Variants in PCSK1 observed in about 807,000 individuals in gnomAD.
PCSK1 encodes the protein proprotein convertase subtilisin/kexin type 1.
A neutral mutation model predicts 90.6 loss-of-function variants in PCSK1; 56 were observed. That is an observed-to-expected ratio of 0.62 (90% CI 0.50 to 0.77). The LOEUF (loss-of-function observed/expected upper bound fraction) is 0.77. Ranked by LOEUF, PCSK1 falls within the 30% of genes least tolerant of loss-of-function variation. PCSK1 has a pLI of 0.00. For missense variants in PCSK1, 801 were observed against 932.6 expected (o/e 0.86, Z 1.84); for synonymous variants, 348 against 342.4 (o/e 1.02, Z -0.18).
chr5:96,392,679 T>A lies in PCSK1; in HGVS notation c.*322A>T, dbSNP rs895594125. On this transcript the variant is annotated 3_prime_UTR_variant, in exon 14 of 14. Coordinates refer to ENST00000311106, the MANE Select transcript of PCSK1 (RefSeq NM_000439.5). The stretch of plus-strand genomic sequence containing the variant: ...ATATCCCAGGTTTTGCCTTTTCTTT[T>A]GAGAATTGAAATGGGCTCTAATGCA... 2 of 254,000 alleles carry A rather than the reference T, an allele frequency of 7.9e-6. No individual in the cohort carries two copies. Among genetic ancestry groups the A allele is most frequent in the African/African-American group, 4.5e-5 (2 of 44,662 alleles). The allele number at this position is 254,000 out of a possible 1,614,324, so 15.7% of individuals were successfully genotyped here.
At position 96,433,153 on chromosome 5, in the gene PCSK1, T is replaced by G; in HGVS notation, c.-111A>C. 9.9e-7 allele frequency: 1 copy of G among 1,011,638 alleles called. No homozygotes were observed. The allele number at this position is 1,011,638 out of a possible 1,614,324, so 62.7% of individuals were successfully genotyped here. On this transcript the variant is annotated 5_prime_UTR_variant, in exon 1 of 14. Transcript: ENST00000311106. ...CCACCCTCGGGCTCTAGACCACTCC[T>G]GGCTCCTGGTTGCTCTGCGAAGAGC...
chr5:96,395,055 T>C (rs768945184), intron 12 of PCSK1, 30 bp from the exon 13 acceptor site: 6 of 1,539,814 alleles, frequency 3.9e-6, no homozygotes, highest in South Asian at 1.1e-5. Flanking sequence ...ACATTTAGTA[T>C]GTGTTTTAGA....
chr5:96,427,384 A>G (rs971768191), intron 2 of PCSK1, among the ~76,000 whole-genome samples: 8 of 152,200 alleles, frequency 5.3e-5, no homozygotes, highest in East Asian at 1.9e-4. Flanking sequence ...TCTATTATGC[A>G]TTATAGGTAT....
chr5:96,433,094 A>T lies in PCSK1; in HGVS notation c.-52T>A, dbSNP rs781524940. 1.3e-6 allele frequency: 2 copies of T among 1,558,584 alleles called. No homozygotes were observed. The highest frequency in any genetic ancestry group is 1.1e-5 in the South Asian group (1 of 89,880). On this transcript the variant is annotated 5_prime_UTR_variant, in exon 1 of 14. Transcript: ENST00000311106. ...TGGGAAGGGAAGAGGAAAAAGAAGCAAGATAGGAGAAAAGCCAGACAGACT... is the reference window on the plus strand; with the variant it reads ...TGGGAAGGGAAGAGGAAAAAGAAGCTAGATAGGAGAAAAGCCAGACAGACT...
intron 12 of PCSK1, 121 bp downstream of exon 12, chr5:96,397,215 A>G (rs940990369): frequency 1.2e-6 from 1 of 836,674 alleles, no homozygotes; most frequent in Non-Finnish European, 2.0e-6. Flanking sequence ...CTTTTCCCTT[A>G]CTTCTACTAA....
chr5:96,397,893 G>A (rs764592558), intron 11 of PCSK1, among the ~76,000 whole-genome samples: 2 of 151,790 alleles, frequency 1.3e-5, no homozygotes, highest in African/African-American at 2.4e-5. Flanking sequence ...ACTCCATAAT[G>A]ATTTAAACAT....
intron 4 of PCSK1, among the ~76,000 whole-genome samples, chr5:96,422,477 C>A (rs1761159243): frequency 6.6e-6 from 1 of 152,166 alleles, no homozygotes; most frequent in African/African-American, 2.4e-5. Flanking sequence ...GCTTGAAATT[C>A]AAGACAAGCT....
chr5:96,428,003 A>C (rs369343913), intron 2 of PCSK1, among the ~76,000 whole-genome samples: 43 of 152,194 alleles, frequency 2.8e-4, no homozygotes, highest in Non-Finnish European at 5.4e-4. Context: ...AAGAGCTAGC[A>C]GTGGGTGTAG....
chr5:96,421,987 C>T, intron 4 of PCSK1, 31 bp from the exon 5 acceptor site: 1 of 644,158 alleles, frequency 1.6e-6, no homozygotes, highest in Non-Finnish European at 2.5e-6. Context: ...AACACTGTGG[C>T]AGCATTAAAA....
intron 9 of PCSK1, among the ~76,000 whole-genome samples, chr5:96,404,002 C>G (rs1327377965): frequency 6.6e-6 from 1 of 152,150 alleles, no homozygotes; most frequent in Non-Finnish European, 1.5e-5. Context: ...AAAAATTATT[C>G]TGATTCTTTT....
Position 96,391,625 on chromosome 5 carries a change from A to G in PCSK1, c.*1376T>C, listed in dbSNP as rs1321949739. The G allele has an allele frequency of 6.6e-6, 1 of 152,192 alleles. No homozygotes were observed. The highest frequency in any genetic ancestry group is 1.5e-5 in the Non-Finnish European group (1 of 68,048). The allele number at this position is 152,192 out of a possible 1,614,324, so 9.4% of individuals were successfully genotyped here. The stretch of plus-strand genomic sequence containing the variant: ...GCTTAGTGTAGGAGTGGGCAAAATC[A>G]AATGCCTATTGGATACTGCCCAGCA... On this transcript the variant is annotated 3_prime_UTR_variant, in exon 14 of 14. Coordinates refer to ENST00000311106, the MANE Select transcript of PCSK1 (RefSeq NM_000439.5).
chr5:96,412,094 T>A (rs1008030772), intron 7 of PCSK1, among the ~76,000 whole-genome samples: 2 of 152,208 alleles, frequency 1.3e-5, no homozygotes, highest in African/African-American at 2.4e-5. Flanking sequence ...TTGATCTGCC[T>A]CCCTTGGCCA....
At chr5:96,413,221 C>T (rs1437858000) in intron 6 of PCSK1, among the ~76,000 whole-genome samples, 2 of 152,168 alleles carry the variant, frequency 1.3e-5, no homozygotes, top group African/African-American at 4.8e-5. Context: ...GGATTTCACC[C>T]CCAAGGGGAA....
At chr5:96,400,323 A>G in intron 9 of PCSK1, 137 bp from the exon 10 acceptor site, 6 of 693,478 alleles carry the variant, frequency 8.7e-6, no homozygotes, top group Non-Finnish European at 1.6e-5. Context: ...TCTAGTGTCT[A>G]TTACTGTTCA....
At chr5:96,431,086 C>T (rs917299840) in intron 1 of PCSK1, among the ~76,000 whole-genome samples, 3 of 152,138 alleles carry the variant, frequency 2.0e-5, no homozygotes, top group Non-Finnish European at 4.4e-5. Context: ...TCAAGGAATA[C>T]ACAATTAAAT....
chr5:96,413,781 A>G (rs1760847260), intron 6 of PCSK1, among the ~76,000 whole-genome samples: 1 of 137,756 alleles, frequency 7.3e-6, no homozygotes, highest in African/African-American at 2.8e-5. Context: ...AGCCTGGGCA[A>G]CAGAGCAAGA....
At chr5:96,412,208 G>A in intron 7 of PCSK1, 110 bp downstream of exon 7, 1 of 981,674 alleles carries the variant, frequency 1.0e-6, no homozygotes, top group Non-Finnish European at 1.6e-6. Flanking sequence ...AAAGGACTTT[G>A]TTAAGAAATC....
rs761650262 is a variant in PCSK1 at position 96,393,366 on chromosome 5, G to C, written c.1897C>G (p.Gln633Glu). The change falls in exon 14 of 14, where the codon CAA (glutamine) becomes GAA (glutamate). Residue 633 changes from glutamine (Q) to glutamate (E), a missense_variant. Coordinates refer to ENST00000311106, the MANE Select transcript of PCSK1 (RefSeq NM_000439.5). The stretch of plus-strand genomic sequence containing the variant: ...AGGGTGTTCTCCTTAGGGTTCTCTT[G>C]TGTGGGCTGCTCCTAAAACATAGAA... ...MVDPGEEQPT[Q>E]ENPKENTLVS... 1.9e-6 allele frequency: 3 copies of C among 1,613,834 alleles called. No individual in the cohort carries two copies. The South Asian group carries it at 3.3e-5, about 18-fold the overall frequency.
In PCSK1 at chr5:96,390,635, TTAATA is replaced by T. The variant is rs1277513554; in HGVS notation, c.*2361_*2365del. On this transcript the variant is annotated 3_prime_UTR_variant, in exon 14 of 14. Coordinates refer to ENST00000311106, the MANE Select transcript of PCSK1 (RefSeq NM_000439.5). ...TATTCTCAGGAAAACTTTTGGTTCT[TTAATA>T]TAATTTATTATGCTCTTTAAAATTC... The T allele has an allele frequency of 1.3e-5, 2 of 152,648 alleles. No homozygotes were observed. Among genetic ancestry groups the T allele is most frequent in the Non-Finnish European group, 2.9e-5 (2 of 68,034 alleles). The allele number at this position is 152,648 out of a possible 1,614,324, so 9.5% of individuals were successfully genotyped here.
Sources: allele counts gnomAD v4.1 joint callset (sites outside exome capture counted in the v4.1 genomes callset), GRCh38; gene constraint gnomAD v4.1.1; transcripts MANE v1.5; gene names NCBI Gene and HGNC (gene_info 2026-07-23, HGNC 2026-07-21).